The following KIAA1217 variants were observed in gnomAD, a reference collection of about 807,000 sequenced individuals.
The protein encoded by KIAA1217 is sickle tail protein homolog.
A neutral mutation model predicts 163.9 loss-of-function variants in KIAA1217; 88 were observed. That is an observed-to-expected ratio of 0.54 (90% CI 0.45 to 0.64). KIAA1217 has a LOEUF of 0.64. Ranked by LOEUF, KIAA1217 falls within the 30% of genes least tolerant of loss-of-function variation. The probability of loss-of-function intolerance (pLI) is 0.00; values close to 1 mark genes in which losing one functional copy is unlikely to be tolerated. For synonymous variants in KIAA1217, 903 were observed against 923.1 expected (o/e 0.98, Z 0.39); for missense variants, 2,372 against 2,475.0 (o/e 0.96, Z 0.88).
At chr10:23,884,581 A>G (rs1841092898) in intron 1 of KIAA1217, among the ~76,000 whole-genome samples, 1 of 151,932 alleles carries the variant, frequency 6.6e-6, no homozygotes, top group African/African-American at 2.4e-5. Context: ...GTAATGCACT[A>G]TCAGTTTGAT....
intron 1 of KIAA1217, among the ~76,000 whole-genome samples, chr10:23,989,973 C>T (rs974111440): frequency 2.0e-5 from 3 of 152,148 alleles, no homozygotes; most frequent in Non-Finnish European, 4.4e-5. Context: ...ATGGCAAGTG[C>T]CTTGGTCAGA....
chr10:23,830,639 T>C (rs1449612556), intron 1 of KIAA1217, among the ~76,000 whole-genome samples: 2 of 151,826 alleles, frequency 1.3e-5, no homozygotes, highest in African/African-American at 4.8e-5. Context: ...AGACAGATGA[T>C]AGACGATTGA....
At chr10:24,391,963 C>A (rs1464909835) in intron 3 of KIAA1217, among the ~76,000 whole-genome samples, 1 of 152,118 alleles carries the variant, frequency 6.6e-6, no homozygotes, top group African/African-American at 2.4e-5. Context: ...GTTTCAAAGA[C>A]AACACAGAAG....
At chr10:23,886,242 T>C (rs1329957519) in intron 1 of KIAA1217, among the ~76,000 whole-genome samples, 5 of 151,986 alleles carry the variant, frequency 3.3e-5, no homozygotes, top group African/African-American at 1.2e-4. Flanking sequence ...TATTGCTAAC[T>C]GTGTGGATGT....
At chr10:23,828,605 A>G (rs1415142541) in intron 1 of KIAA1217, among the ~76,000 whole-genome samples, 1 of 152,204 alleles carries the variant, frequency 6.6e-6, no homozygotes, top group Non-Finnish European at 1.5e-5. Context: ...TTTTTGATTA[A>G]CAATAGTTAT....
chr10:23,783,573 C>A (rs1259761814), intron 1 of KIAA1217, among the ~76,000 whole-genome samples: 3 of 151,968 alleles, frequency 2.0e-5, no homozygotes, highest in Non-Finnish European at 2.9e-5. Flanking sequence ...CAATGCTGGC[C>A]TCATAAAATA....
Position 24,546,345 on chromosome 10 carries a change from C to G in KIAA1217, c.*21C>G. Reference sequence around the variant, plus strand: ...CTTAAAGGTCAAATCCTATTAGGCACAAGTCGGAGTTACATTTAAAAAAAA... The same window carrying G: ...CTTAAAGGTCAAATCCTATTAGGCAGAAGTCGGAGTTACATTTAAAAAAAA... On this transcript the variant is annotated 3_prime_UTR_variant, in exon 21 of 21. Transcript: ENST00000376454. The G allele has an allele frequency of 1.3e-6, 2 of 1,555,896 alleles. No individual in the cohort carries two copies. Among genetic ancestry groups the G allele is most frequent in the Non-Finnish European group, 1.7e-6 (2 of 1,153,222 alleles).
At chr10:24,017,912 A>C (rs533608765) in intron 2 of KIAA1217, among the ~76,000 whole-genome samples, 5 of 152,268 alleles carry the variant, frequency 3.3e-5, no homozygotes. Flanking sequence ...TTCAGAGTTC[A>C]TGGAGATAAT....
chr10:23,924,147 C>G (rs1412825125), intron 1 of KIAA1217, among the ~76,000 whole-genome samples: 1 of 149,034 alleles, frequency 6.7e-6, no homozygotes, highest in African/African-American at 2.5e-5. Context: ...TTTTTCCCCA[C>G]TATTTGCTAC....
At chr10:24,274,239 C>A (rs1357410764) in intron 2 of KIAA1217, among the ~76,000 whole-genome samples, 1 of 152,164 alleles carries the variant, frequency 6.6e-6, no homozygotes, top group African/African-American at 2.4e-5. Flanking sequence ...GGCACAATGG[C>A]TCACACCTAT....
intron 2 of KIAA1217, among the ~76,000 whole-genome samples, chr10:24,220,603 G>A (rs1041077034): frequency 1.3e-5 from 2 of 150,992 alleles, no homozygotes; most frequent in African/African-American, 4.9e-5. Context: ...TACAGGCACT[G>A]GCCACCATGC....
intron 1 of KIAA1217, among the ~76,000 whole-genome samples, chr10:23,702,295 A>G (rs1345226840): frequency 6.6e-6 from 1 of 152,204 alleles, no homozygotes; most frequent in Non-Finnish European, 1.5e-5. Context: ...TAATCATACA[A>G]TGAGACAATG....
chr10:24,170,362 C>T (rs551473979), intron 2 of KIAA1217, among the ~76,000 whole-genome samples: 98 of 152,242 alleles, frequency 6.4e-4, no homozygotes, highest in African/African-American at 2.1e-3. Flanking sequence ...CAAGTATCTC[C>T]GTTGTTTGGT....
At chr10:24,388,099 C>T (rs2054278620) in intron 3 of KIAA1217, among the ~76,000 whole-genome samples, 1 of 152,194 alleles carries the variant, frequency 6.6e-6, no homozygotes, top group South Asian at 2.1e-4. Flanking sequence ...ATAGCCAAGA[C>T]AATCCTAAGC....
chr10:24,094,942 G>A (rs558472802), intron 2 of KIAA1217, among the ~76,000 whole-genome samples: 12 of 152,110 alleles, frequency 7.9e-5, no homozygotes, highest in Admixed American at 3.3e-4. Flanking sequence ...GCAATGGTGG[G>A]CGCCCCTCCC....
At chr10:23,753,124 G>C (rs2130838632) in intron 1 of KIAA1217, among the ~76,000 whole-genome samples, 1 of 152,274 alleles carries the variant, frequency 6.6e-6, no homozygotes, top group Admixed American at 6.5e-5. Context: ...AAAGCATTCT[G>C]TGCCTACTTG....
intron 2 of KIAA1217, among the ~76,000 whole-genome samples, chr10:24,372,201 C>T (rs898293551): frequency 1.3e-5 from 2 of 152,156 alleles, no homozygotes; most frequent in Admixed American, 6.5e-5. Context: ...AGGCTTTGAT[C>T]GGGTGCTGCA....
Position 23,695,710 on chromosome 10 carries a change from G to A in KIAA1217, c.-321+476G>A, listed in dbSNP as rs896201585. The stretch of plus-strand genomic sequence containing the variant: ...GGAGAGAGAGAACCGGCCCCGAGAC[G>A]GGCTGGAGGGTGGGGACACTGGGGA... On this transcript the variant is annotated intron_variant, in intron 1 of 18. Coordinates refer to the KIAA1217 transcript ENST00000376462. This position sits in a 1 kb window ranked among gnomAD's most constrained non-coding sequence, Gnocchi z 4.9. Among the ~76,000 whole-genome samples the A allele has an allele frequency of 1.3e-5, 2 of 152,176 alleles. No homozygotes were observed. Among genetic ancestry groups the A allele is most frequent in the Non-Finnish European group, 2.9e-5 (2 of 68,022 alleles).
chr10:23,838,082 C>T (rs1045782368), intron 1 of KIAA1217, among the ~76,000 whole-genome samples: 8 of 152,156 alleles, frequency 5.3e-5, no homozygotes, highest in Admixed American at 4.6e-4. Context: ...TTTTCCATGT[C>T]TGCAACTAGG....
Sources: gnomAD v4.1 joint callset for allele counts (sites outside exome capture counted in the v4.1 genomes callset) on GRCh38, gnomAD v4.1.1 for gene constraint, Gnocchi (gnomAD v3.1) non-coding constraint, MANE v1.5 for transcripts, NCBI Gene and HGNC (gene_info 2026-07-23, HGNC 2026-07-21) for gene names.